The following HPSE2 variants were observed in gnomAD, a reference collection of about 807,000 sequenced individuals.
The protein encoded by HPSE2 is heparanase 2 (inactive).
Under a neutral mutation model 60.5 loss-of-function variants are expected in HPSE2, and 38 were observed. That is an observed-to-expected ratio of 0.63 (90% CI 0.48 to 0.82). The LOEUF is 0.82. Ranked by LOEUF, HPSE2 falls within the 40% of genes least tolerant of loss-of-function variation. The pLI is 0.00. For synonymous variants in HPSE2, 295 were observed against 293.2 expected (o/e 1.01, Z -0.06); for missense variants, 713 against 740.4 (o/e 0.96, Z 0.43).
chr10:98,691,329 A>C (rs1160316120), intron 6 of HPSE2, among the ~76,000 whole-genome samples: 2 of 152,208 alleles, frequency 1.3e-5, no homozygotes, highest in Non-Finnish European at 2.9e-5. Context: ...GAGTAGTTGC[A>C]AACAGTGATA....
At chr10:98,669,533 G>T (rs1185900071) in intron 6 of HPSE2, among the ~76,000 whole-genome samples, 1 of 152,200 alleles carries the variant, frequency 6.6e-6, no homozygotes, top group Non-Finnish European at 1.5e-5. Context: ...TACATATACA[G>T]CATGAAATAC....
intron 9 of HPSE2, among the ~76,000 whole-genome samples, chr10:98,604,054 G>T (rs561583542): frequency 3.9e-5 from 6 of 152,052 alleles, no homozygotes; most frequent in Admixed American, 2.0e-4. Context: ...ATTACTAAAG[G>T]CTTATTTACA....
chr10:99,278,311 T>A, the HPSE2 span, among the ~76,000 whole-genome samples: 2 of 152,276 alleles, frequency 1.3e-5, no homozygotes, highest in Non-Finnish European at 2.9e-5. Flanking sequence ...AAATACATAT[T>A]ACTTATGTCC....
intron 3 of HPSE2, among the ~76,000 whole-genome samples, chr10:98,773,967 G>A (rs1178161246): frequency 6.6e-6 from 1 of 152,010 alleles, no homozygotes. Flanking sequence ...GAGGTGGGAG[G>A]ATCACTTGAG....
intron 3 of HPSE2, among the ~76,000 whole-genome samples, chr10:99,058,946 C>G (rs1450282271): frequency 2.0e-5 from 3 of 152,134 alleles, no homozygotes; most frequent in Non-Finnish European, 4.4e-5. Context: ...GGCTCTGTTA[C>G]AACTATTCAA....
At chr10:98,721,043 C>T (rs72840594) in intron 5 of HPSE2, among the ~76,000 whole-genome samples, 2,296 of 152,046 alleles carry the variant, frequency 0.015, 31 homozygotes, top group African/African-American at 0.03. Context: ...TTAGTACATA[C>T]ACATTAAGAG....
intron 3 of HPSE2, among the ~76,000 whole-genome samples, chr10:99,125,338 A>C (rs1845121689): frequency 6.6e-6 from 1 of 152,196 alleles, no homozygotes; most frequent in Non-Finnish European, 1.5e-5. Flanking sequence ...CCATGATAAA[A>C]ATTTAATTTT....
At position 98,645,300 on chromosome 10, in the gene HPSE2, A is replaced by G. The variant is rs72831968; in HGVS notation, c.1005-3360T>C. 8.2e-3 allele frequency among the ~76,000 whole-genome samples: 1,249 copies of G among 152,356 alleles called. 8 individuals are homozygous for G. Among genetic ancestry groups the G allele is most frequent in the South Asian group, 0.027 (130 of 4,830 alleles). On this transcript the variant is annotated intron_variant, in intron 6 of 11. Transcript: ENST00000370552. Reference sequence around the variant, plus strand: ...AGAGGTACAGAGAAAAGTTGAGACAAGAAATGTTGACGTGGGGGTCTTTTT... The same window carrying G: ...AGAGGTACAGAGAAAAGTTGAGACAGGAAATGTTGACGTGGGGGTCTTTTT...
chr10:99,024,077 A>G (rs1289625914), intron 3 of HPSE2, among the ~76,000 whole-genome samples: 4 of 152,224 alleles, frequency 2.6e-5, no homozygotes, highest in African/African-American at 9.6e-5. Context: ...GTGTGAGGAA[A>G]CTCAAAGAAA....
At chr10:98,985,107 C>T (rs983552786) in intron 3 of HPSE2, among the ~76,000 whole-genome samples, 19 of 152,288 alleles carry the variant, frequency 1.2e-4, no homozygotes, top group African/African-American at 4.1e-4. Context: ...TCTAGCAAGG[C>T]ACGCCAACAT....
chr10:98,887,138 G>A (rs1953188025), intron 3 of HPSE2, among the ~76,000 whole-genome samples: 1 of 151,990 alleles, frequency 6.6e-6, no homozygotes, highest in African/African-American at 2.4e-5. Context: ...TCTGATCAAT[G>A]GTCTTATAGA....
At chr10:98,522,479 GT>G (rs550314853) in intron 9 of HPSE2, among the ~76,000 whole-genome samples, 1 of 151,914 alleles carries the variant, frequency 6.6e-6, no homozygotes, top group Non-Finnish European at 1.5e-5. Context: ...TTTTTTGTTT[GT>G]TTTTTGTTTT....
chr10:98,970,512 G>A (rs1034139494), intron 3 of HPSE2, among the ~76,000 whole-genome samples: 1 of 152,142 alleles, frequency 6.6e-6, no homozygotes, highest in Non-Finnish European at 1.5e-5. Flanking sequence ...GCCCCAATGA[G>A]GGAAAGGACA....
chr10:98,499,449 T>C (rs563799786), intron 9 of HPSE2, among the ~76,000 whole-genome samples: 2 of 152,198 alleles, frequency 1.3e-5, no homozygotes, highest in Admixed American at 1.3e-4. Context: ...GACAAACAAA[T>C]GTTAAGAGAA....
the HPSE2 span, among the ~76,000 whole-genome samples, chr10:99,308,381 A>AAAAAAAAAAAAAAAAAAAAAAAAAAG: frequency 6.9e-6 from 1 of 144,230 alleles, no homozygotes; most frequent in Non-Finnish European, 1.5e-5. Flanking sequence ...CTCTGTCTCA[A>AAAAAAAAAAAAAAAAAAAAAAAAAAG]AAAAAAAAAA....
chr10:98,831,188 T>G (rs1260510507), intron 3 of HPSE2, among the ~76,000 whole-genome samples: 2 of 152,120 alleles, frequency 1.3e-5, no homozygotes, highest in African/African-American at 2.4e-5. Context: ...CAGACCAACT[T>G]TTTTGCTAGA....
chr10:99,196,032 G>C lies in HPSE2; in HGVS notation c.448+36316C>G, dbSNP rs569288745. Among the ~76,000 whole-genome samples, 590 of 152,078 alleles carry C rather than the reference G, an allele frequency of 3.9e-3. 3 individuals carry two copies. Among genetic ancestry groups the C allele is most frequent in the African/African-American group, 0.014 (573 of 41,504 alleles). Reference sequence around the variant, plus strand: ...GACACATAGATCAACGGACAGAATAGAGAACCCAGAAATAAAAACATACCT... The same window carrying C: ...GACACATAGATCAACGGACAGAATACAGAACCCAGAAATAAAAACATACCT... On this transcript the variant is annotated intron_variant, in intron 2 of 11. Coordinates refer to ENST00000370552, the MANE Select transcript of HPSE2 (RefSeq NM_021828.5).
At chr10:98,737,085 C>T (rs1949377516) in intron 4 of HPSE2, among the ~76,000 whole-genome samples, 1 of 151,844 alleles carries the variant, frequency 6.6e-6, no homozygotes, top group Admixed American at 6.6e-5. Context: ...CTCCTCTTTT[C>T]CCCTCCTCTC....
intron 3 of HPSE2, among the ~76,000 whole-genome samples, chr10:98,977,408 A>C (rs1378745111): frequency 6.6e-6 from 1 of 152,236 alleles, no homozygotes; most frequent in Non-Finnish European, 1.5e-5. Context: ...GTGGATGTAC[A>C]CTGGGGAGGT....
Sources: gnomAD v4.1 joint callset for allele counts (sites outside exome capture counted in the v4.1 genomes callset) on GRCh38, gnomAD v4.1.1 for gene constraint, MANE v1.5 for transcripts, NCBI Gene and HGNC (gene_info 2026-07-23, HGNC 2026-07-21) for gene names.